NCK2: variants seen among roughly 807,000 people sequenced by gnomAD.
The protein encoded by NCK2 is cytoplasmic protein NCK2.
NCK2 carries 16 observed loss-of-function variants against 33.9 expected under a neutral mutation model. The ratio of observed to expected loss-of-function variants is 0.47; its 90% CI spans 0.32 to 0.72. The LOEUF is 0.72. Ranked by LOEUF, NCK2 falls within the 30% of genes least tolerant of loss-of-function variation. The pLI is 0.03. For missense variants in NCK2, 418 were observed against 537.3 expected, an observed-to-expected ratio of 0.78 and a Z score of 2.19; for synonymous variants, 273 against 239.9, an observed-to-expected ratio of 1.14 and a Z score of -1.27.
chr2:105,835,302 C>T (rs1676347158), intron 2 of NCK2, among the ~76,000 whole-genome samples: 1 of 147,256 alleles, frequency 6.8e-6, no homozygotes, highest in South Asian at 2.1e-4. Context: ...CTGGGAAAGA[C>T]TTTTATTTCT....
chr2:105,890,250 A>G (rs1028983314), intron 4 of NCK2, among the ~76,000 whole-genome samples: 2 of 152,164 alleles, frequency 1.3e-5, no homozygotes, highest in Admixed American at 1.3e-4. Context: ...ACACACCATG[A>G]TGTTAAATTA....
chr2:105,794,831 C>T (rs1691018387), intron 1 of NCK2, among the ~76,000 whole-genome samples: 1 of 152,122 alleles, frequency 6.6e-6, no homozygotes, highest in African/African-American at 2.4e-5. Flanking sequence ...CTGCCTCAGC[C>T]TCCCGAATAG....
chr2:105,809,430 C>T (rs1287712033), intron 1 of NCK2, among the ~76,000 whole-genome samples: 2 of 152,206 alleles, frequency 1.3e-5, no homozygotes, highest in Non-Finnish European at 2.9e-5. Context: ...TGGGGCCTTT[C>T]TCCAGCGCTT....
chr2:105,877,756 G>T (rs188840352), intron 3 of NCK2, among the ~76,000 whole-genome samples: 3 of 152,152 alleles, frequency 2.0e-5, no homozygotes, highest in Admixed American at 2.0e-4. Flanking sequence ...GACACCAGCC[G>T]CTATCAGAAC....
chr2:105,746,771 A>G (rs369974014), intron 1 of NCK2, among the ~76,000 whole-genome samples: 1 of 152,232 alleles, frequency 6.6e-6, no homozygotes, highest in East Asian at 1.9e-4. Context: ...ACCTCAGTAT[A>G]TTCTGCCCTG....
chr2:105,827,864 GTGA>G (rs1676013108), intron 2 of NCK2, among the ~76,000 whole-genome samples: 1 of 152,198 alleles, frequency 6.6e-6, no homozygotes, highest in South Asian at 2.1e-4. Context: ...AGAGATTTCT[GTGA>G]TGATGAAATA....
chr2:105,820,178 G>A (rs1419535672), intron 2 of NCK2, among the ~76,000 whole-genome samples: 2 of 152,246 alleles, frequency 1.3e-5, no homozygotes, highest in African/African-American at 4.8e-5. Context: ...CAGGCTGATT[G>A]GACCAGCTGG....
At chr2:105,771,929 G>A (rs528551452) in intron 1 of NCK2, among the ~76,000 whole-genome samples, 2 of 152,198 alleles carry the variant, frequency 1.3e-5, no homozygotes, top group East Asian at 3.9e-4. Flanking sequence ...CTCCCTCCCA[G>A]GGCTGTTCCA....
At chr2:105,792,035 C>T (rs1252587404) in intron 1 of NCK2, among the ~76,000 whole-genome samples, 1 of 152,202 alleles carries the variant, frequency 6.6e-6, no homozygotes, top group African/African-American at 2.4e-5. Context: ...GTGTTGTGGG[C>T]TCTGCACAGA....
chr2:105,893,528 C>T lies in NCK2; in HGVS notation c.*352C>T, dbSNP rs917564351. The T allele has an allele frequency of 3.6e-5, 9 of 251,122 alleles. No homozygotes were observed. The highest frequency in any genetic ancestry group is 6.4e-5 in the Non-Finnish European group (8 of 124,318). The allele number at this position is 251,122 out of a possible 1,614,324, so 15.6% of individuals were successfully genotyped here. A position where few individuals can be genotyped will look rare whatever the true frequency, so the allele number is the denominator to read the frequency against. On this transcript the variant is annotated 3_prime_UTR_variant, in exon 5 of 5. Coordinates refer to ENST00000233154, the MANE Select transcript of NCK2 (RefSeq NM_003581.5). ...CAGGAGCGAGCCTAAGGCCACCCAG[C>T]GGCAGCGCCCGTGTCCTGGGCACTC...
intron 2 of NCK2, among the ~76,000 whole-genome samples, chr2:105,830,670 G>GGGGTGTGTGTGTGT (rs377563718): frequency 3.0e-5 from 3 of 98,984 alleles, no homozygotes; most frequent in Non-Finnish European, 4.3e-5. Flanking sequence ...CCAGGAATTT[G>GGGGTGTGTGTGTGT]GTGTGTGTGT....
chr2:105,893,259 G>A lies in NCK2; in HGVS notation c.*83G>A, dbSNP rs1558892301. 6.7e-6 allele frequency: 9 copies of A among 1,339,622 alleles called. No homozygotes were observed. Among genetic ancestry groups the A allele is most frequent in the Non-Finnish European group, 9.1e-6 (9 of 992,452 alleles). 83.0% of individuals were successfully genotyped at this position (1,339,622 alleles called of 1,614,324 possible). ...CTTGTGGCAGAGGCTCCTCCCGCGG[G>A]GACGGCCCCGACGGCTTCTCTGCGA... is the stretch of plus-strand genomic sequence containing the variant. On this transcript the variant is annotated 3_prime_UTR_variant, in exon 5 of 5. Transcript: ENST00000233154.
At chr2:105,794,045 ATTT>A (rs554091969) in intron 1 of NCK2, among the ~76,000 whole-genome samples, 13 of 109,490 alleles carry the variant, frequency 1.2e-4, no homozygotes, top group Non-Finnish European at 1.4e-4. Flanking sequence ...GTATCTTTCG[ATTT>A]TTTTTTTTTT....
At chr2:105,867,863 G>A (rs533220693) in intron 3 of NCK2, among the ~76,000 whole-genome samples, 19 of 152,298 alleles carry the variant, frequency 1.2e-4, no homozygotes, top group South Asian at 1.2e-3. Flanking sequence ...TTAAGTTTAC[G>A]AATAAAGAAA....
At chr2:105,829,439 G>A (rs1676081103) in intron 2 of NCK2, among the ~76,000 whole-genome samples, 1 of 152,006 alleles carries the variant, frequency 6.6e-6, no homozygotes, top group South Asian at 2.1e-4. Context: ...ACTTTATTTG[G>A]ATTTAAAACT....
intron 1 of NCK2, among the ~76,000 whole-genome samples, chr2:105,786,940 G>A (rs921322573): frequency 1.3e-5 from 2 of 152,236 alleles, no homozygotes; most frequent in African/African-American, 4.8e-5. Flanking sequence ...CAGACTCGAA[G>A]CAGGGGACCT....
intron 1 of NCK2, among the ~76,000 whole-genome samples, chr2:105,790,574 G>A (rs1241818553): frequency 1.3e-5 from 2 of 152,244 alleles, no homozygotes; most frequent in Non-Finnish European, 2.9e-5. Context: ...AAGTGTGCCA[G>A]GTGTTGCTGC....
chr2:105,844,485 A>C (rs1246472757), intron 2 of NCK2, among the ~76,000 whole-genome samples: 2 of 151,432 alleles, frequency 1.3e-5, no homozygotes, highest in African/African-American at 4.9e-5. Flanking sequence ...GCACTTTGGG[A>C]GGCTGAGGCG....
chr2:105,745,446 C>G (rs1291681405), intron 1 of NCK2, among the ~76,000 whole-genome samples: 2 of 151,976 alleles, frequency 1.3e-5, no homozygotes, highest in South Asian at 4.1e-4. Context: ...GCAGGGGGCC[C>G]GGCTGCGGGG....
Sources: allele counts gnomAD v4.1 joint callset (sites outside exome capture counted in the v4.1 genomes callset), GRCh38; gene constraint gnomAD v4.1.1; transcripts MANE v1.5; gene names NCBI Gene and HGNC (gene_info 2026-07-23, HGNC 2026-07-21).